Variants in PEBP4 observed in about 807,000 individuals in gnomAD.
The protein encoded by PEBP4 is phosphatidylethanolamine binding protein 4.
A neutral mutation model predicts 23.9 loss-of-function variants in PEBP4; 22 were observed. That is an observed-to-expected ratio of 0.92 (90% CI 0.66 to 1.31). The LOEUF is 1.31. Ranked by LOEUF, PEBP4 falls within the 40% of genes most tolerant of loss-of-function variation. PEBP4 has a pLI of 0.00. For synonymous variants in PEBP4, 112 were observed against 99.3 expected, an observed-to-expected ratio of 1.13 and a Z score of -0.76; for missense variants, 324 against 281.7, an observed-to-expected ratio of 1.15 and a Z score of -1.07.
intron 3 of PEBP4, among the ~76,000 whole-genome samples, chr8:22,892,051 C>T (rs1808505812): frequency 6.7e-6 from 1 of 148,254 alleles, no homozygotes; most frequent in Non-Finnish European, 1.5e-5. Flanking sequence ...CCGGCCTGGG[C>T]GAAAGAGCAA....
chr8:22,804,197 G>A (rs1806447158), intron 4 of PEBP4, among the ~76,000 whole-genome samples: 1 of 152,102 alleles, frequency 6.6e-6, no homozygotes, highest in Non-Finnish European at 1.5e-5. Flanking sequence ...TAGGCCTGGT[G>A]GTATGCACCT....
intron 3 of PEBP4, among the ~76,000 whole-genome samples, chr8:22,825,543 A>C (rs753311496): frequency 6.6e-6 from 1 of 152,212 alleles, no homozygotes; most frequent in African/African-American, 2.4e-5. Flanking sequence ...AATGCTTATT[A>C]CACCATGGAC....
chr8:22,811,310 C>T (rs1319924906), intron 4 of PEBP4, among the ~76,000 whole-genome samples: 3 of 152,210 alleles, frequency 2.0e-5, no homozygotes, highest in Non-Finnish European at 4.4e-5. Context: ...CCTCAGCATA[C>T]GAGAGCTAAT....
intron 3 of PEBP4, among the ~76,000 whole-genome samples, chr8:22,860,192 G>GTATATATATATACACATATATA (rs1807743205): frequency 1.5e-5 from 1 of 68,334 alleles, no homozygotes; most frequent in Non-Finnish European, 4.0e-5. Flanking sequence ...ACATATATAT[G>GTATATATATATACACATATATA]TATATATATA....
intron 6 of PEBP4, among the ~76,000 whole-genome samples, chr8:22,714,948 A>G (rs1357784282): frequency 6.6e-6 from 1 of 152,264 alleles, no homozygotes; most frequent in African/African-American, 2.4e-5. Flanking sequence ...ATGTGTTGGT[A>G]CTACTGTAAG....
intron 4 of PEBP4, among the ~76,000 whole-genome samples, chr8:22,785,821 G>A (rs559895742): frequency 2.6e-5 from 4 of 152,300 alleles, no homozygotes; most frequent in African/African-American, 4.8e-5. Context: ...ACAGGCAAAC[G>A]TGGAGCTGCA....
intron 4 of PEBP4, among the ~76,000 whole-genome samples, chr8:22,795,896 T>G (rs1254747265): frequency 6.6e-6 from 1 of 152,250 alleles, no homozygotes; most frequent in African/African-American, 2.4e-5. Context: ...TAAGATTTTT[T>G]TGTGTGTGCT....
intron 3 of PEBP4, among the ~76,000 whole-genome samples, chr8:22,847,211 G>C (rs1434843429): frequency 6.6e-6 from 1 of 152,182 alleles, no homozygotes; most frequent in Non-Finnish European, 1.5e-5. Context: ...CATGTTCAAA[G>C]GTCAGGGGCC....
At chr8:22,887,373 T>G (rs1808404856) in intron 3 of PEBP4, 1 of 151,662 alleles carries the variant, frequency 6.6e-6, no homozygotes, top group Non-Finnish European at 1.5e-5. Flanking sequence ...GGTCTCAAAC[T>G]CCTGTCCTCA....
intron 4 of PEBP4, among the ~76,000 whole-genome samples, chr8:22,742,715 C>T (rs1805022640): frequency 6.6e-6 from 1 of 152,196 alleles, no homozygotes; most frequent in Non-Finnish European, 1.5e-5. Flanking sequence ...GCCACCTGAT[C>T]ATCGCCTTGT....
At chr8:22,893,160 C>G (rs573757670) in intron 3 of PEBP4, among the ~76,000 whole-genome samples, 1 of 152,268 alleles carries the variant, frequency 6.6e-6, no homozygotes, top group African/African-American at 2.4e-5. Context: ...GTATTCCCAC[C>G]AGGCAGAGTA....
At chr8:22,874,756 A>G (rs1808086144) in intron 3 of PEBP4, among the ~76,000 whole-genome samples, 2 of 152,190 alleles carry the variant, frequency 1.3e-5, no homozygotes, top group South Asian at 4.1e-4. Context: ...TCAATAACGC[A>G]GCGCTTCTGT....
intron 2 of PEBP4, among the ~76,000 whole-genome samples, chr8:22,923,570 C>T (rs555034154): frequency 6.6e-6 from 1 of 152,176 alleles, no homozygotes; most frequent in African/African-American, 2.4e-5. Context: ...CACTGAGACC[C>T]TGTCTCTAGA....
At chr8:22,880,009 T>G (rs10106535) in intron 3 of PEBP4, among the ~76,000 whole-genome samples, 7,706 of 152,284 alleles carry the variant, frequency 0.051, 438 homozygotes, top group African/African-American at 0.14. Flanking sequence ...CCTTTTGATC[T>G]CTCAGACTGA....
At chr8:22,878,161 C>T (rs921876765) in intron 3 of PEBP4, 9 of 147,874 alleles carry the variant, frequency 6.1e-5, no homozygotes, top group African/African-American at 2.2e-4. Context: ...GGTGAATCTA[C>T]TCCAGGTACA....
chr8:22,920,440 G>T, intron 2 of PEBP4, 130 bp from the exon 3 acceptor site: 1 of 1,098,504 alleles, frequency 9.1e-7, no homozygotes. Context: ...CCACTAACTA[G>T]TTGTGTGACC....
intron 4 of PEBP4, among the ~76,000 whole-genome samples, chr8:22,772,141 C>T (rs1420257892): frequency 2.6e-5 from 4 of 152,246 alleles, no homozygotes; most frequent in African/African-American, 9.6e-5. Flanking sequence ...ATCATTGTCT[C>T]ACTTAACCCT....
At chr8:22,832,357 C>T (rs1807103577) in intron 3 of PEBP4, among the ~76,000 whole-genome samples, 1 of 152,184 alleles carries the variant, frequency 6.6e-6, no homozygotes, top group Non-Finnish European at 1.5e-5. Context: ...TCTCTCTCTG[C>T]TCTCTGCCAA....
At chr8:22,916,762 G>A (rs1371682187) in intron 3 of PEBP4, among the ~76,000 whole-genome samples, 1 of 152,236 alleles carries the variant, frequency 6.6e-6, no homozygotes, top group African/African-American at 2.4e-5. Flanking sequence ...GGGCCCACGG[G>A]TGACTCAAAG....
Sources: gnomAD v4.1 joint callset for allele counts (sites outside exome capture counted in the v4.1 genomes callset) on GRCh38, gnomAD v4.1.1 for gene constraint, MANE v1.5 for transcripts, NCBI Gene and HGNC (gene_info 2026-07-23, HGNC 2026-07-21) for gene names.